B3GAT2: variants seen among roughly 807,000 people sequenced by gnomAD.
B3GAT2 encodes the protein beta-1,3-glucuronyltransferase 2, also known as galactosylgalactosylxylosylprotein 3-beta-glucuronosyltransferase 2.
In B3GAT2, 26 loss-of-function variants were observed where a neutral mutation model predicts 27.8. The observed-to-expected ratio is 0.93, with a 90% CI of 0.68 to 1.30. The LOEUF is 1.30. B3GAT2 is among the 50% of genes most tolerant of loss of function. B3GAT2 has a pLI of 0.00. For missense variants in B3GAT2, 458 were observed against 459.0 expected (o/e 1.00, Z 0.02); for synonymous variants, 218 against 195.1 (o/e 1.12, Z -0.98).
At chr6:70,888,295 T>G (rs895732232) in intron 2 of B3GAT2, among the ~76,000 whole-genome samples, 1 of 152,142 alleles carries the variant, frequency 6.6e-6, no homozygotes, top group Non-Finnish European at 1.5e-5. Flanking sequence ...AAAGAATGTT[T>G]TAATTACCCA....
At chr6:70,875,004 TAAAAAA>T (rs879737909) in intron 2 of B3GAT2, among the ~76,000 whole-genome samples, 1 of 144,006 alleles carries the variant, frequency 6.9e-6, no homozygotes, top group Non-Finnish European at 1.5e-5. Context: ...TAGCCTTTTT[TAAAAAA>T]AAAAAAACAA....
intron 1 of B3GAT2, among the ~76,000 whole-genome samples, chr6:70,947,033 C>T (rs1424350548): frequency 1.6e-4 from 24 of 151,826 alleles, no homozygotes; most frequent in Non-Finnish European, 2.5e-4. Context: ...TTGAAACCAA[C>T]GAGAACAAAG....
intron 1 of B3GAT2, among the ~76,000 whole-genome samples, chr6:70,911,443 A>C (rs1772688095): frequency 6.6e-6 from 1 of 152,152 alleles, no homozygotes; most frequent in Non-Finnish European, 1.5e-5. Context: ...CAATTTTGTC[A>C]AAGATCAGAT....
At chr6:70,937,855 C>T (rs1316433974) in intron 1 of B3GAT2, among the ~76,000 whole-genome samples, 1 of 152,106 alleles carries the variant, frequency 6.6e-6, no homozygotes, top group Non-Finnish European at 1.5e-5. Flanking sequence ...GACAGGGATG[C>T]CCTCTCTCAC....
intron 1 of B3GAT2, among the ~76,000 whole-genome samples, chr6:70,952,681 T>C (rs1765595898): frequency 6.6e-6 from 1 of 152,164 alleles, no homozygotes. Flanking sequence ...GTTGAGATTT[T>C]TGAAACCTGA....
rs1765646752 is a variant in B3GAT2, at chr6:70,955,897, G to C, written c.533C>G (p.Pro178Arg). Residue 178 changes from proline to arginine, a missense_variant, in exon 1 of 4, where the codon CCC (proline) becomes CGC (arginine). Pro to Arg is a moderately radical substitution (Grantham distance 103). Transcript: ENST00000230053. ...RQRHQHQRAQ[P>R]GVLFFADDDN... is the part of the protein sequence containing the mutation. ...GTCGTCAGCGAAGAAGAGCACGCCGGGCTGCGCGCGCTGGTGCTGGTGCCT... is the reference window on the plus strand; with the variant it reads ...GTCGTCAGCGAAGAAGAGCACGCCGCGCTGCGCGCGCTGGTGCTGGTGCCT... The C allele has an allele frequency of 1.9e-6, 3 of 1,604,406 alleles. No individual in the cohort carries two copies. In the African/African-American group the frequency reaches 4.1e-5, roughly 22 times the overall value.
intron 1 of B3GAT2, among the ~76,000 whole-genome samples, chr6:70,925,200 A>G (rs1445423564): frequency 6.6e-6 from 1 of 152,262 alleles, no homozygotes; most frequent in Non-Finnish European, 1.5e-5. Flanking sequence ...GAAGAGGAAC[A>G]GCTCTAGTCT....
chr6:70,945,867 C>A (rs1010603125), intron 1 of B3GAT2, among the ~76,000 whole-genome samples: 3 of 151,438 alleles, frequency 2.0e-5, no homozygotes, highest in East Asian at 1.9e-4. Context: ...GACTAACAGC[C>A]GATCTCTCGG....
intron 1 of B3GAT2, among the ~76,000 whole-genome samples, chr6:70,908,916 T>C (rs1427582296): frequency 6.6e-6 from 1 of 152,152 alleles, no homozygotes; most frequent in Admixed American, 6.5e-5. Flanking sequence ...ATCATAGAAG[T>C]AATTAAACAC....
chr6:70,956,120 T>C lies in B3GAT2; in HGVS notation c.310A>G (p.Thr104Ala), dbSNP rs1424959405. Residue 104 changes from threonine to alanine, a missense_variant, in exon 1 of 4, where the codon ACG becomes GCG. Physicochemically the swap from Thr to Ala is moderately conservative, Grantham distance 58. Coordinates refer to ENST00000230053, the MANE Select transcript of B3GAT2 (RefSeq NM_080742.3). ...TGCAGCTGCGCCACCTGGCGGAACG[T>C]GTTGGCCAGGCGGGTCAGCTCCGCT... ...QKAELTRLANTFRQVAQLHWI... is the reference protein window; with the variant it reads ...QKAELTRLANAFRQVAQLHWI... The C allele has an allele frequency of 2.5e-6, 4 of 1,603,256 alleles. No homozygotes were observed. The highest frequency in any genetic ancestry group is 2.6e-6 in the Non-Finnish European group (3 of 1,175,372).
At position 70,956,006 on chromosome 6, in the gene B3GAT2, C is replaced by A; in HGVS notation, c.424G>T (p.Val142Leu). The A allele has an allele frequency of 6.8e-7, 1 of 1,465,282 alleles. No individual in the cohort carries two copies. The highest frequency in any genetic ancestry group is 8.9e-7 in the Non-Finnish European group (1 of 1,119,570). 90.8% of individuals were successfully genotyped at this position (1,465,282 alleles called of 1,614,324 possible). The change falls in exon 1 of 4, where the codon GTG becomes TTG. Residue 142 changes from valine (V) to leucine (L), a missense_variant. Val to Leu is a conservative substitution (Grantham distance 32). Transcript: ENST00000230053. ...CGCTTGTAGCGCCGCGGCGTGGGCACGTGCAGGTGAGTGCTGGGCAGCCCG... is the reference window on the plus strand; with the variant it reads ...CGCTTGTAGCGCCGCGGCGTGGGCAAGTGCAGGTGAGTGCTGGGCAGCCCG... ...RAGLPSTHLH[V>L]PTPRRYKRPG...
Position 70,861,457 on chromosome 6 carries a change from G to A in B3GAT2, c.*206C>T, listed in dbSNP as rs945435414. ...AGAGAAAACATGCAGAACAAATGAA[G>A]ACAAAACATACATTTTGTACCAACC... On this transcript the variant is annotated 3_prime_UTR_variant, in exon 4 of 4. Coordinates refer to ENST00000230053, the MANE Select transcript of B3GAT2 (RefSeq NM_080742.3). 1.8e-5 allele frequency: 10 copies of A among 564,414 alleles called. No homozygotes were observed. The highest frequency in any genetic ancestry group is 1.7e-4 in the African/African-American group (9 of 53,366). The allele number at this position is 564,414 out of a possible 1,614,324, so 35.0% of individuals were successfully genotyped here. A position where few individuals can be genotyped will look rare whatever the true frequency, so the allele number is the denominator to read the frequency against.
At chr6:70,867,839 CA>C (rs1300564894) in intron 2 of B3GAT2, among the ~76,000 whole-genome samples, 2 of 152,008 alleles carry the variant, frequency 1.3e-5, no homozygotes, top group Non-Finnish European at 2.9e-5. Context: ...GCCCTGATAC[CA>C]AAACCAGACA....
In B3GAT2 at chr6:70,860,072, C is replaced by T; in HGVS notation, c.*1591G>A. On this transcript the variant is annotated 3_prime_UTR_variant, in exon 4 of 4. Coordinates refer to ENST00000230053, the MANE Select transcript of B3GAT2 (RefSeq NM_080742.3). The stretch of plus-strand genomic sequence containing the variant: ...TGCTTTAAGAAATATTTGTATGGTA[C>T]TCTGTTTTTATTCCAGTGCTTGGAC... 9.7e-7 allele frequency: 1 copy of T among 1,031,992 alleles called. No individual in the cohort carries two copies. Among genetic ancestry groups the T allele is most frequent in the Non-Finnish European group, 1.4e-6 (1 of 729,490 alleles). 63.9% of individuals were successfully genotyped at this position (1,031,992 alleles called of 1,614,324 possible).
chr6:70,862,829 G>A (rs1023881076), intron 2 of B3GAT2, among the ~76,000 whole-genome samples: 4 of 151,968 alleles, frequency 2.6e-5, no homozygotes, highest in African/African-American at 9.7e-5. Context: ...AATTAGCTGG[G>A]TGTTGTGGCA....
In B3GAT2 at chr6:70,894,140, T is replaced by C; in HGVS notation, c.724A>G (p.Ile242Val). ...CCACACTGCTCACCTGCCATGTCGA[T>C]GGCAAAAGGCCTGTCTGCTCTCCAG... is the stretch of plus-strand genomic sequence containing the variant. ...TGWRADRPFA[I>V]DMAGFAVSLQ... The change falls in exon 2 of 4, where the codon ATC (isoleucine) becomes GTC (valine). Residue 242 changes from isoleucine to valine, a missense_variant. Transcript: ENST00000230053. The C allele has an allele frequency of 6.2e-7, 1 of 1,611,676 alleles. No individual in the cohort carries two copies. The highest frequency in any genetic ancestry group is 8.5e-7 in the Non-Finnish European group (1 of 1,178,742).
At chr6:70,907,911 A>AT (rs1161598220) in intron 1 of B3GAT2, among the ~76,000 whole-genome samples, 1 of 152,210 alleles carries the variant, frequency 6.6e-6, no homozygotes, top group Non-Finnish European at 1.5e-5. Flanking sequence ...GTGAGATAAT[A>AT]TATGTGCTTA....
chr6:70,947,188 A>C (rs1765501065), intron 1 of B3GAT2, among the ~76,000 whole-genome samples: 1 of 151,982 alleles, frequency 6.6e-6, no homozygotes, highest in African/African-American at 2.4e-5. Context: ...AAGCAAGAGC[A>C]AACACATTCA....
chr6:70,892,565 C>T (rs1206702848), intron 2 of B3GAT2, among the ~76,000 whole-genome samples: 1 of 152,174 alleles, frequency 6.6e-6, no homozygotes, highest in Non-Finnish European at 1.5e-5. Flanking sequence ...TCACAATCCT[C>T]ACTTAGAAGC....
Sources: gnomAD v4.1 joint callset for allele counts (sites outside exome capture counted in the v4.1 genomes callset) on GRCh38, gnomAD v4.1.1 for gene constraint, MANE v1.5 for transcripts, NCBI Gene and HGNC (gene_info 2026-07-23, HGNC 2026-07-21) for gene names.